The following OXR1 variants were observed in gnomAD, a reference collection of about 807,000 sequenced individuals.
OXR1 encodes oxidation resistance 1.
Under a neutral mutation model 104.6 loss-of-function variants are expected in OXR1, and 41 were observed. The observed-to-expected ratio is 0.39, with a 90% CI of 0.31 to 0.51. The LOEUF (loss-of-function observed/expected upper bound fraction) is 0.51, where lower values mean the gene tolerates loss of function less well. Among genes scored for constraint, OXR1 ranks in the 20% least tolerant of loss-of-function variants. OXR1 has a pLI of 0.77. For synonymous variants in OXR1, 348 were observed against 348.4 expected (o/e 1.00, Z 0.01); for missense variants, 955 against 1,031.9 (o/e 0.93, Z 1.02).
At chr8:106,578,026 T>G (rs1039970465) in intron 3 of OXR1, among the ~76,000 whole-genome samples, 6 of 152,172 alleles carry the variant, frequency 3.9e-5, no homozygotes, top group African/African-American at 1.4e-4. Flanking sequence ...TTTGTAGAAA[T>G]CTGGGTTGTG....
At chr8:106,573,902 G>A (rs1304015487) in intron 3 of OXR1, among the ~76,000 whole-genome samples, 1 of 135,816 alleles carries the variant, frequency 7.4e-6, no homozygotes, top group Non-Finnish European at 1.6e-5. Context: ...CATTTAATGG[G>A]TAATTTTTAA....
chr8:106,320,904 T>C (rs926128289), intron 1 of OXR1, among the ~76,000 whole-genome samples: 1 of 152,200 alleles, frequency 6.6e-6, no homozygotes, highest in Admixed American at 6.5e-5. Flanking sequence ...ACTCCTGGCC[T>C]CAAGTGATCC....
intron 2 of OXR1, among the ~76,000 whole-genome samples, chr8:106,468,611 T>G (rs74453467): frequency 0.011 from 1,704 of 151,820 alleles, 30 homozygotes; most frequent in African/African-American, 0.039. Context: ...GATGGTCAGG[T>G]AGTATCTTTG....
intron 1 of OXR1, among the ~76,000 whole-genome samples, chr8:106,336,052 T>C (rs1423343095): frequency 1.3e-5 from 2 of 152,180 alleles, no homozygotes; most frequent in African/African-American, 4.8e-5. Context: ...GCCAAGATCA[T>C]GCCACTGCAC....
intron 2 of OXR1, among the ~76,000 whole-genome samples, chr8:106,415,196 A>T (rs1818622035): frequency 6.6e-6 from 1 of 152,172 alleles, no homozygotes; most frequent in Admixed American, 6.5e-5. Context: ...TCACCATTTA[A>T]CAAATCTCTC....
At chr8:106,686,922 A>G (rs1828792451) in intron 6 of OXR1, among the ~76,000 whole-genome samples, 1 of 152,226 alleles carries the variant, frequency 6.6e-6, no homozygotes, top group Non-Finnish European at 1.5e-5. Context: ...TAATGGTAAA[A>G]ATCATAAAAA....
chr8:106,548,253 C>G (rs536347665), intron 3 of OXR1, among the ~76,000 whole-genome samples: 2 of 152,166 alleles, frequency 1.3e-5, no homozygotes, highest in East Asian at 3.8e-4. Flanking sequence ...ACTCATTACA[C>G]CTTAAGCAAA....
chr8:106,717,860 A>G (rs1177603750), intron 11 of OXR1, among the ~76,000 whole-genome samples: 1 of 152,184 alleles, frequency 6.6e-6, no homozygotes, highest in Non-Finnish European at 1.5e-5. Context: ...CATTTTAACT[A>G]ATAGTCCACA....
intron 3 of OXR1, among the ~76,000 whole-genome samples, chr8:106,643,285 C>T (rs1823812417): frequency 6.6e-6 from 1 of 152,098 alleles, no homozygotes; most frequent in Admixed American, 6.5e-5. Context: ...AAAGCAGCCG[C>T]AGACAATACA....
intron 13 of OXR1, 132 bp downstream of exon 13, chr8:106,739,715 G>A: frequency 1.2e-6 from 1 of 813,146 alleles, no homozygotes; most frequent in Non-Finnish European, 1.9e-6. Flanking sequence ...AAAAGAAAGA[G>A]TAAGCAAAAC....
chr8:106,632,733 A>C (rs112458196), intron 3 of OXR1, among the ~76,000 whole-genome samples: 14 of 152,296 alleles, frequency 9.2e-5, no homozygotes, highest in African/African-American at 3.4e-4. Context: ...AAAATATTGC[A>C]TATTCCAGCA....
chr8:106,353,290 A>C (rs1051701908), intron 1 of OXR1, among the ~76,000 whole-genome samples: 3 of 152,142 alleles, frequency 2.0e-5, no homozygotes, highest in Non-Finnish European at 4.4e-5. Context: ...TGGAGGTTGC[A>C]GTGAGTCGAG....
chr8:106,380,624 C>T (rs1385738702), intron 2 of OXR1, among the ~76,000 whole-genome samples: 1 of 152,162 alleles, frequency 6.6e-6, no homozygotes, highest in Non-Finnish European at 1.5e-5. Flanking sequence ...ACATCCTTGT[C>T]ATCACTTATT....
At chr8:106,339,532 A>G (rs866477092) in intron 1 of OXR1, among the ~76,000 whole-genome samples, 4,893 of 78,474 alleles carry the variant, frequency 0.062, 581 homozygotes, top group African/African-American at 0.1. Context: ...ATATATATAT[A>G]TATATATATA....
In OXR1 at chr8:106,354,979, T is replaced by C. The variant is rs141086929; in HGVS notation, c.-138-4497T>C. On this transcript the variant is annotated intron_variant, in intron 1 of 16. Transcript: ENST00000517566. ...AAAGTATCATCCCAATAATCCATTG[T>C]TGTATTCAAGGACTCTTCACATTTT... is the stretch of plus-strand genomic sequence containing the variant. Among the ~76,000 whole-genome samples, 367 of 152,214 alleles carry C rather than the reference T, an allele frequency of 2.4e-3. 1 individual carries two copies. The highest frequency in any genetic ancestry group is 7.3e-3 in the African/African-American group (303 of 41,568).
At chr8:106,516,503 C>T (rs770643626) in intron 2 of OXR1, among the ~76,000 whole-genome samples, 1 of 152,026 alleles carries the variant, frequency 6.6e-6, no homozygotes, top group Non-Finnish European at 1.5e-5. Context: ...CAGTTCATTT[C>T]AGCTCATGAG....
intron 1 of OXR1, among the ~76,000 whole-genome samples, chr8:106,317,859 A>G (rs912920819): frequency 3.3e-5 from 5 of 152,158 alleles, no homozygotes; most frequent in African/African-American, 9.7e-5. Flanking sequence ...AAACTTAGAA[A>G]ATAGCTTTTT....
intron 1 of OXR1, among the ~76,000 whole-genome samples, chr8:106,343,229 G>C (rs1215781779): frequency 1.3e-5 from 2 of 152,150 alleles, no homozygotes; most frequent in Non-Finnish European, 2.9e-5. Context: ...ATTTAAACCT[G>C]ATCAAGTTTC....
intron 2 of OXR1, among the ~76,000 whole-genome samples, chr8:106,402,889 C>G (rs757802156): frequency 3.0e-4 from 46 of 152,106 alleles, no homozygotes; most frequent in Non-Finnish European, 6.8e-4. Flanking sequence ...GGCACAATCT[C>G]AGCTCACCAC....
Sources: allele counts gnomAD v4.1 joint callset (sites outside exome capture counted in the v4.1 genomes callset), GRCh38; gene constraint gnomAD v4.1.1; transcripts MANE v1.5; gene names NCBI Gene and HGNC (gene_info 2026-07-23, HGNC 2026-07-21).